Variants in SLCO3A1 observed in about 807,000 individuals in gnomAD.
SLCO3A1 encodes the protein solute carrier organic anion transporter family member 3A1.
Under a neutral mutation model 63.1 loss-of-function variants are expected in SLCO3A1, and 27 were observed. The ratio of observed to expected loss-of-function variants is 0.43; its 90% CI spans 0.32 to 0.59. The LOEUF is 0.59. Among genes scored for constraint, SLCO3A1 ranks in the 20% least tolerant of loss-of-function variants. The probability of loss-of-function intolerance (pLI) is 0.09; values close to 1 mark genes in which losing one functional copy is unlikely to be tolerated. For synonymous variants in SLCO3A1, 473 were observed against 409.9 expected, an observed-to-expected ratio of 1.15 and a Z score of -1.86; for missense variants, 773 against 945.8, an observed-to-expected ratio of 0.82 and a Z score of 2.40.
In SLCO3A1 at chr15:91,942,192, T is replaced by C. The variant is rs1899645526; in HGVS notation, c.646+25734T>C. Among the ~76,000 whole-genome samples the C allele has an allele frequency of 6.6e-6, 1 of 151,920 alleles. No individual in the cohort carries two copies. Among genetic ancestry groups the C allele is most frequent in the South Asian group, 2.1e-4 (1 of 4,832 alleles). On this transcript the variant is annotated intron_variant, in intron 2 of 9. Coordinates refer to ENST00000318445, the MANE Select transcript of SLCO3A1 (RefSeq NM_013272.4). This position sits in a 1 kb window ranked among gnomAD's most constrained non-coding sequence, Gnocchi z 4.1. ...CTTGTAGAAATAAAAAGGTGGCACC[T>C]CTGTCATTTACCCCTCAATATTTTA...
chr15:92,141,686 C>T (rs1210611576), intron 7 of SLCO3A1, among the ~76,000 whole-genome samples: 1 of 152,208 alleles, frequency 6.6e-6, no homozygotes, highest in African/African-American at 2.4e-5. Flanking sequence ...TCTCTCTGCA[C>T]TCTGGGAAAG....
At chr15:91,978,142 G>A (rs1901190137) in intron 2 of SLCO3A1, among the ~76,000 whole-genome samples, 1 of 152,148 alleles carries the variant, frequency 6.6e-6, no homozygotes, top group African/African-American at 2.4e-5. Flanking sequence ...GGTAGACCTA[G>A]GACTAGGAAC....
rs1005288398 is a variant in SLCO3A1, at chr15:92,033,510, G to A, written c.647-61371G>A. ...GCCGAGACGGTGGGCAAAGGAGAACGAGGGAGGAGCAGAGGGTGACTTCCA... is the reference window on the plus strand; with the variant it reads ...GCCGAGACGGTGGGCAAAGGAGAACAAGGGAGGAGCAGAGGGTGACTTCCA... On this transcript the variant is annotated intron_variant, in intron 2 of 9. Transcript: ENST00000318445. The surrounding 1 kb of genome is among the most constrained non-coding windows in gnomAD (Gnocchi z 4.5). Among the ~76,000 whole-genome samples the A allele has an allele frequency of 5.9e-5, 9 of 152,202 alleles. No individual in the cohort carries two copies. The highest frequency in any genetic ancestry group is 3.9e-4 in the Admixed American group (6 of 15,284).
At chr15:92,159,183 A>G (rs1322758809) in intron 9 of SLCO3A1, among the ~76,000 whole-genome samples, 2 of 152,172 alleles carry the variant, frequency 1.3e-5, no homozygotes, top group Non-Finnish European at 2.9e-5. Flanking sequence ...GACTTTTGGC[A>G]CCTTAAAAGT....
intron 4 of SLCO3A1, among the ~76,000 whole-genome samples, chr15:92,110,472 T>C (rs995796418): frequency 3.9e-5 from 6 of 152,106 alleles, no homozygotes; most frequent in African/African-American, 1.2e-4. Flanking sequence ...CATGCCCTGT[T>C]CCCTCCACGC....
At chr15:91,957,587 C>T (rs1328742807) in intron 2 of SLCO3A1, among the ~76,000 whole-genome samples, 1 of 152,102 alleles carries the variant, frequency 6.6e-6, no homozygotes, top group Non-Finnish European at 1.5e-5. Flanking sequence ...GTTCCCTCTA[C>T]CTGGTTCACT....
intron 2 of SLCO3A1, among the ~76,000 whole-genome samples, chr15:92,048,913 A>G (rs62008573): frequency 0.33 from 50,609 of 152,084 alleles, 9,711 homozygotes; most frequent in African/African-American, 0.54. Context: ...ATTGTTGTGA[A>G]GCAGGTTCTT....
At chr15:91,896,970 T>C (rs1898021138) in intron 1 of SLCO3A1, among the ~76,000 whole-genome samples, 1 of 152,162 alleles carries the variant, frequency 6.6e-6, no homozygotes, top group Admixed American at 6.5e-5. Context: ...CAGTCCTGGG[T>C]GAAACCTGTC....
intron 8 of SLCO3A1, chr15:92,149,382 TCACAGATGTCTCAGGCTGGCACAGGGG>T (rs2048274213): frequency 6.6e-6 from 1 of 152,264 alleles, no homozygotes; most frequent in African/African-American, 2.4e-5. Flanking sequence ...TGATTTGCCA[TCACAGATGTCTCAGGCTGGCACAGGGG>T]CACAGATGTG....
intron 2 of SLCO3A1, among the ~76,000 whole-genome samples, chr15:91,923,072 C>T (rs1386163061): frequency 6.6e-6 from 1 of 152,182 alleles, no homozygotes; most frequent in Admixed American, 6.5e-5. Context: ...AAATTGAAAT[C>T]CTGGCCCCTC....
intron 7 of SLCO3A1, among the ~76,000 whole-genome samples, chr15:92,137,158 G>A (rs1360969465): frequency 7.2e-6 from 1 of 138,740 alleles, no homozygotes; most frequent in Non-Finnish European, 1.5e-5. Context: ...AGAGTGTGAT[G>A]TTCCCCTTCC....
At chr15:92,091,701 C>T (rs1482126829) in intron 2 of SLCO3A1, among the ~76,000 whole-genome samples, 3 of 152,184 alleles carry the variant, frequency 2.0e-5, no homozygotes, top group Non-Finnish European at 4.4e-5. Flanking sequence ...ACCTTGAGGT[C>T]CGTGTGACGA....
intron 1 of SLCO3A1, among the ~76,000 whole-genome samples, chr15:91,907,840 C>T (rs1898358822): frequency 6.6e-6 from 1 of 152,122 alleles, no homozygotes; most frequent in African/African-American, 2.4e-5. Flanking sequence ...TGAAGCCTTT[C>T]TAAGGAAAGC....
At chr15:92,008,429 G>T (rs912410978) in intron 2 of SLCO3A1, among the ~76,000 whole-genome samples, 4 of 152,206 alleles carry the variant, frequency 2.6e-5, no homozygotes, top group African/African-American at 4.8e-5. Flanking sequence ...TTCCATGTGG[G>T]TTTTGTGAAC....
chr15:91,989,846 C>T (rs1448860111), intron 2 of SLCO3A1, among the ~76,000 whole-genome samples: 1 of 152,150 alleles, frequency 6.6e-6, no homozygotes, highest in Non-Finnish European at 1.5e-5. Context: ...AATTAGAGGA[C>T]AGAATTAGTC....
chr15:91,938,052 C>T (rs1403178412), intron 2 of SLCO3A1, among the ~76,000 whole-genome samples: 4 of 152,130 alleles, frequency 2.6e-5, no homozygotes, highest in Admixed American at 1.3e-4. Flanking sequence ...AATTAGCTTT[C>T]GTCATTATTA....
chr15:92,035,863 A>G (rs1192748105), intron 2 of SLCO3A1, among the ~76,000 whole-genome samples: 1 of 151,854 alleles, frequency 6.6e-6, no homozygotes, highest in Non-Finnish European at 1.5e-5. Context: ...GGGAAAAGAC[A>G]GAAGTTTTGG....
At chr15:92,069,352 AGT>A (rs1162221056) in intron 2 of SLCO3A1, among the ~76,000 whole-genome samples, 2 of 152,210 alleles carry the variant, frequency 1.3e-5, no homozygotes, top group Admixed American at 6.5e-5. Flanking sequence ...ATTTCAGTGC[AGT>A]GTGATAGGAG....
chr15:92,068,898 G>A (rs535631107), intron 2 of SLCO3A1, among the ~76,000 whole-genome samples: 37 of 152,202 alleles, frequency 2.4e-4, no homozygotes, highest in South Asian at 2.1e-4. Context: ...TGCCTCATTC[G>A]CCCCACCTGT....
Sources: allele counts gnomAD v4.1 joint callset (sites outside exome capture counted in the v4.1 genomes callset), GRCh38; gene constraint gnomAD v4.1.1; non-coding constraint Gnocchi (gnomAD v3.1); transcripts MANE v1.5; gene names NCBI Gene and HGNC (gene_info 2026-07-23, HGNC 2026-07-21).